Variants in XPOT observed in about 807,000 individuals in gnomAD.
The protein encoded by XPOT is exportin for tRNA, also known as exportin-T.
Under a neutral mutation model 128.2 loss-of-function variants are expected in XPOT, and 34 were observed. That is an observed-to-expected ratio of 0.27 (90% CI 0.20 to 0.35). The LOEUF is 0.35. Among genes scored for constraint, XPOT ranks in the 10% least tolerant of loss-of-function variants. XPOT has a pLI of 1.00. For missense variants in XPOT, 838 were observed against 1,125.3 expected (o/e 0.74, Z 3.65); for synonymous variants, 348 against 394.3 (o/e 0.88, Z 1.39).
chr12:64,425,587 A>C (rs2040185043), intron 14 of XPOT, 130 bp downstream of exon 14: 7 of 1,223,906 alleles, frequency 5.7e-6, no homozygotes, highest in Non-Finnish European at 8.0e-6. Context: ...ACACACTGAA[A>C]GTAACCCCTC....
intron 2 of XPOT, among the ~76,000 whole-genome samples, chr12:64,411,480 G>C (rs553549551): frequency 6.6e-6 from 1 of 152,184 alleles, no homozygotes; most frequent in South Asian, 2.1e-4. Context: ...AATGTGCCAT[G>C]ATTTCTTTTT....
At chr12:64,436,515 C>T (rs2040283533) in intron 22 of XPOT, among the ~76,000 whole-genome samples, 1 of 152,096 alleles carries the variant, frequency 6.6e-6, no homozygotes, top group Non-Finnish European at 1.5e-5. Context: ...CCCACGATGG[C>T]ATCCAAAAGT....
At chr12:64,440,133 C>CA (rs1393080231) in intron 23 of XPOT, among the ~76,000 whole-genome samples, 2 of 152,112 alleles carry the variant, frequency 1.3e-5, no homozygotes, top group Non-Finnish European at 2.9e-5. Context: ...TCCCATTTCC[C>CA]ACAGCCCCCA....
chr12:64,437,616 A>T (rs1370877863), intron 22 of XPOT, among the ~76,000 whole-genome samples: 1 of 152,216 alleles, frequency 6.6e-6, no homozygotes, highest in Non-Finnish European at 1.5e-5. Context: ...TTACATGTGT[A>T]AAGTCAGGAA....
In XPOT at chr12:64,445,068, C is replaced by T. The variant is rs141486239; in HGVS notation, c.2806-7C>T. On this transcript the variant is annotated splice_region_variant and splice_polypyrimidine_tract_variant and intron_variant, in intron 23 of 24. Transcript: ENST00000332707. ...TTCTTTTTCTCCCTCTTTTCCCCACCCCCCAGGAGTTTTGTCAAGCGCTTC... is the reference window on the plus strand; with the variant it reads ...TTCTTTTTCTCCCTCTTTTCCCCACTCCCCAGGAGTTTTGTCAAGCGCTTC... The T allele has an allele frequency of 1.9e-3, 3,049 of 1,601,186 alleles. 4 individuals carry two copies. Among genetic ancestry groups the T allele is most frequent in the Non-Finnish European group, 2.3e-3 (2,749 of 1,174,524 alleles).
intron 15 of XPOT, among the ~76,000 whole-genome samples, chr12:64,427,002 T>C (rs1299201675): frequency 6.6e-6 from 1 of 150,488 alleles, no homozygotes; most frequent in East Asian, 2.0e-4. Context: ...AAAATGAAGA[T>C]GGAAATAAAA....
intron 5 of XPOT, among the ~76,000 whole-genome samples, chr12:64,418,337 G>A (rs117497387): frequency 0.01 from 1,531 of 152,256 alleles, 7 homozygotes; most frequent in Non-Finnish European, 0.016. Flanking sequence ...ATGACACATT[G>A]TGGAAACTTT....
At position 64,409,408 on chromosome 12, in the gene XPOT, C is replaced by T. The variant is rs371900918; in HGVS notation, c.-74-554C>T. Among the ~76,000 whole-genome samples the T allele has an allele frequency of 2.8e-4, 42 of 152,252 alleles. 1 individual carries two copies. In the South Asian group the frequency reaches 8.7e-3, roughly 32 times the overall value. On this transcript the variant is annotated intron_variant, in intron 1 of 24. Transcript: ENST00000332707. ...TACCTTATTAAGAAGATCTTGAAGA[C>T]TAAGAAAGCTTGAGGACCTTTATGG...
intron 3 of XPOT, among the ~76,000 whole-genome samples, chr12:64,415,531 T>G (rs2040079455): frequency 6.6e-6 from 1 of 151,986 alleles, no homozygotes; most frequent in Admixed American, 6.6e-5. Context: ...CCCATCACCA[T>G]GCCCGGCTAA....
At chr12:64,439,498 C>T (rs1429691046) in intron 23 of XPOT, among the ~76,000 whole-genome samples, 183 bp downstream of exon 23, 1 of 152,228 alleles carries the variant, frequency 6.6e-6, no homozygotes, top group Non-Finnish European at 1.5e-5. Flanking sequence ...AATATCACTA[C>T]ACCTTGTTAC....
At chr12:64,443,611 C>T (rs1208175480) in intron 23 of XPOT, among the ~76,000 whole-genome samples, 3 of 152,070 alleles carry the variant, frequency 2.0e-5, no homozygotes, top group Non-Finnish European at 2.9e-5. Context: ...CATGCCACCA[C>T]ACCTGGCTAG....
chr12:64,419,236 G>C, intron 6 of XPOT, 142 bp downstream of exon 6: 1 of 625,480 alleles, frequency 1.6e-6, no homozygotes, highest in Non-Finnish European at 2.6e-6. Context: ...CTGATGTTTT[G>C]GATTTTATTT....
intron 6 of XPOT, among the ~76,000 whole-genome samples, chr12:64,419,448 G>C (rs1414951172): frequency 2.0e-5 from 3 of 152,136 alleles, no homozygotes; most frequent in Admixed American, 2.0e-4. Flanking sequence ...CTCCCTAGTA[G>C]CTGGGATTAT....
At chr12:64,429,046 C>T (rs1166744393) in intron 16 of XPOT, among the ~76,000 whole-genome samples, 1 of 152,162 alleles carries the variant, frequency 6.6e-6, no homozygotes, top group Non-Finnish European at 1.5e-5. Context: ...TGGGTCACTA[C>T]AACATATGCA....
At chr12:64,437,619 G>A (rs2040293530) in intron 22 of XPOT, among the ~76,000 whole-genome samples, 1 of 152,222 alleles carries the variant, frequency 6.6e-6, no homozygotes, top group Non-Finnish European at 1.5e-5. Context: ...CATGTGTAAA[G>A]TCAGGAAGTC....
chr12:64,418,867 G>GT lies in XPOT; in HGVS notation c.271-6dup. Reference sequence around the variant, plus strand: ...ATTTAATTTTATGGACTGTTTCTCTGTTTGTCAGATGCTGAATCCCCAACC... The same window carrying GT: ...ATTTAATTTTATGGACTGTTTCTCTGTTTTGTCAGATGCTGAATCCCCAACC... On this transcript the variant is annotated splice_polypyrimidine_tract_variant and intron_variant, in intron 5 of 24. Coordinates refer to ENST00000332707, the MANE Select transcript of XPOT (RefSeq NM_007235.6). 1 of 1,612,606 alleles carries GT rather than the reference G, an allele frequency of 6.2e-7. No homozygotes were observed. The highest frequency in any genetic ancestry group is 8.5e-7 in the Non-Finnish European group (1 of 1,179,244).
At chr12:64,419,982 C>A in intron 6 of XPOT, 88 bp from the exon 7 acceptor site, 1 of 1,227,986 alleles carries the variant, frequency 8.1e-7, no homozygotes, top group Non-Finnish European at 1.1e-6. Context: ...GTTAACAAGT[C>A]TGAAAGTTTA....
At chr12:64,443,188 C>G (rs1010507623) in intron 23 of XPOT, 1 of 152,176 alleles carries the variant, frequency 6.6e-6, no homozygotes, top group African/African-American at 2.4e-5. Context: ...TTGAAAAATA[C>G]AAATTTCCTG....
rs766398932 is a variant in XPOT at position 64,416,757 on chromosome 12, A to C, written c.200+3A>C. The stretch of plus-strand genomic sequence containing the variant: ...CTGGAACATCAAGTTAAATACAAGT[A>C]AGGCTTTTCTTACTGTTTTGACTCA... On this transcript the variant is annotated splice_donor_region_variant and intron_variant, in intron 4 of 24. Transcript: ENST00000332707. 8 of 1,611,780 alleles carry C rather than the reference A, an allele frequency of 5.0e-6. No individual in the cohort carries two copies. Among genetic ancestry groups the C allele is most frequent in the Non-Finnish European group, 3.4e-6 (4 of 1,178,674 alleles).
Sources: allele counts gnomAD v4.1 joint callset (sites outside exome capture counted in the v4.1 genomes callset), GRCh38; gene constraint gnomAD v4.1.1; transcripts MANE v1.5; gene names NCBI Gene and HGNC (gene_info 2026-07-23, HGNC 2026-07-21).